Variants in RGS7BP observed in about 807,000 individuals in gnomAD.
RGS7BP encodes regulator of G protein signaling 7 binding protein, also known as regulator of G protein signaling 7-binding protein.
RGS7BP carries 9 observed loss-of-function variants against 31.3 expected under a neutral mutation model. The observed-to-expected ratio is 0.29, with a 90% confidence interval of 0.17 to 0.50. The LOEUF (loss-of-function observed/expected upper bound fraction) is 0.50, where lower values mean the gene tolerates loss of function less well. Ranked by LOEUF, RGS7BP falls within the 20% of genes least tolerant of loss-of-function variation. RGS7BP has a pLI of 0.98. For missense variants in RGS7BP, 274 were observed against 322.0 expected (o/e 0.85, Z 1.14); for synonymous variants, 115 against 120.1 (o/e 0.96, Z 0.28).
chr5:64,551,942 C>T (rs1403802269), intron 2 of RGS7BP, among the ~76,000 whole-genome samples: 1 of 152,116 alleles, frequency 6.6e-6, no homozygotes, highest in Non-Finnish European at 1.5e-5. Flanking sequence ...GTAAGTTCAT[C>T]AGTATACTAA....
intron 2 of RGS7BP, among the ~76,000 whole-genome samples, chr5:64,537,332 A>G (rs1741403425): frequency 6.6e-6 from 1 of 152,240 alleles, no homozygotes; most frequent in Non-Finnish European, 1.5e-5. Context: ...GTTGGGCCAC[A>G]TTCAAAGCCT....
At chr5:64,604,097 T>C (rs115632109) in intron 5 of RGS7BP, among the ~76,000 whole-genome samples, 1,538 of 152,264 alleles carry the variant, frequency 0.01, 26 homozygotes, top group African/African-American at 0.036. Flanking sequence ...GACTATCTCC[T>C]CCTTCATAAG....
chr5:64,564,524 G>A (rs1431917115), intron 2 of RGS7BP, among the ~76,000 whole-genome samples: 1 of 152,014 alleles, frequency 6.6e-6, no homozygotes, highest in Non-Finnish European at 1.5e-5. Context: ...TTATGAGAAG[G>A]GTACAGATTG....
chr5:64,518,242 T>C (rs1320856966), intron 2 of RGS7BP, among the ~76,000 whole-genome samples: 4 of 152,256 alleles, frequency 2.6e-5, no homozygotes, highest in Non-Finnish European at 4.4e-5. Context: ...AATAGATTCA[T>C]GCCCAACTCC....
chr5:64,527,278 C>A (rs761890186), intron 2 of RGS7BP, among the ~76,000 whole-genome samples: 22 of 152,116 alleles, frequency 1.4e-4, no homozygotes, highest in Non-Finnish European at 2.2e-4. Context: ...CAAATTAGAG[C>A]CCCCAGGGAG....
chr5:64,522,792 G>A (rs1389128468), intron 2 of RGS7BP, among the ~76,000 whole-genome samples: 4 of 152,126 alleles, frequency 2.6e-5, no homozygotes, highest in Non-Finnish European at 4.4e-5. Context: ...ATTGCACAGC[G>A]CCATTGTAGA....
chr5:64,525,252 G>A (rs778465324), intron 2 of RGS7BP, among the ~76,000 whole-genome samples: 3 of 152,140 alleles, frequency 2.0e-5, no homozygotes, highest in Non-Finnish European at 4.4e-5. Context: ...GATAAAGGAG[G>A]GAGGTGTTCT....
At chr5:64,533,071 T>C (rs73109069) in intron 2 of RGS7BP, among the ~76,000 whole-genome samples, 3,439 of 152,320 alleles carry the variant, frequency 0.023, 74 homozygotes, top group African/African-American at 0.057. Context: ...AGCTTCTGGA[T>C]GCCACCCCTG....
At chr5:64,583,740 A>T (rs909070788) in intron 3 of RGS7BP, among the ~76,000 whole-genome samples, 4 of 152,206 alleles carry the variant, frequency 2.6e-5, no homozygotes, top group Admixed American at 6.5e-5. Context: ...GACCAGAATA[A>T]GCATGTAGTG....
chr5:64,561,366 CA>C (rs1487051623), intron 2 of RGS7BP, among the ~76,000 whole-genome samples: 2 of 152,090 alleles, frequency 1.3e-5, no homozygotes, highest in African/African-American at 4.8e-5. Flanking sequence ...GATGAATAAA[CA>C]AACATATAAA....
At chr5:64,551,243 A>AT (rs1038879080) in intron 2 of RGS7BP, among the ~76,000 whole-genome samples, 3 of 148,870 alleles carry the variant, frequency 2.0e-5, no homozygotes, top group African/African-American at 7.4e-5. Context: ...GATTTTTTTT[A>AT]TTTTTTTATT....
rs1425074360 is a variant in RGS7BP, at chr5:64,609,229, C to T, written c.751C>T (p.Leu251=). Residue 251 remains leucine (L), a synonymous_variant, in exon 6 of 6, where the codon CTG becomes TTG. Transcript: ENST00000334025. ...VRRRKRRFFG[L]CCLISS ...AAGACGGAAGAGAAGGTTCTTTGGG[C>T]TGTGTTGTCTCATCTCAAGCTAGGT... 6.2e-7 allele frequency: 1 copy of T among 1,608,956 alleles called. No individual in the cohort carries two copies. Among genetic ancestry groups the T allele is most frequent in the African/African-American group, 1.3e-5 (1 of 74,862 alleles).
intron 2 of RGS7BP, among the ~76,000 whole-genome samples, chr5:64,565,527 A>G (rs112394875): frequency 0.016 from 2,407 of 152,222 alleles, 55 homozygotes; most frequent in African/African-American, 0.055. Flanking sequence ...AAAAAAAAGA[A>G]GGCTTCAGGA....
chr5:64,601,593 G>A (rs1743219338), intron 5 of RGS7BP: 2 of 205,594 alleles, frequency 9.7e-6, no homozygotes, highest in African/African-American at 2.4e-5. Flanking sequence ...CCCTTGCACT[G>A]CTGAGTTCCA....
At chr5:64,577,453 A>G (rs1157669077) in intron 3 of RGS7BP, among the ~76,000 whole-genome samples, 1 of 152,164 alleles carries the variant, frequency 6.6e-6, no homozygotes, top group Non-Finnish European at 1.5e-5. Flanking sequence ...AAAAAAATAA[A>G]AAATCTTGTG....
chr5:64,525,683 T>C (rs899370566), intron 2 of RGS7BP, among the ~76,000 whole-genome samples: 1 of 152,100 alleles, frequency 6.6e-6, no homozygotes, highest in Non-Finnish European at 1.5e-5. Flanking sequence ...AGCAACTGAG[T>C]TGGAATGAGC....
In RGS7BP at chr5:64,609,823, A is replaced by C. The variant is rs1743458597; in HGVS notation, c.*571A>C. On this transcript the variant is annotated 3_prime_UTR_variant, in exon 6 of 6. Transcript: ENST00000334025. ...GTCTTCCATTCTGTCAGAATCTAAG[A>C]GCTTCAACATAAAAGTATCTTAATT... 6.6e-6 allele frequency: 1 copy of C among 152,540 alleles called. No homozygotes were observed. The highest frequency in any genetic ancestry group is 2.4e-5 in the African/African-American group (1 of 41,436). The allele number at this position is 152,540 out of a possible 1,614,324, so 9.4% of individuals were successfully genotyped here.
At chr5:64,565,863 A>C (rs866925368) in intron 2 of RGS7BP, among the ~76,000 whole-genome samples, 2 of 152,148 alleles carry the variant, frequency 1.3e-5, no homozygotes, top group Non-Finnish European at 2.9e-5. Flanking sequence ...TAGATTTTAC[A>C]TCTGTCTAGA....
At position 64,506,511 on chromosome 5, in the gene RGS7BP, T is replaced by A. The variant is rs972486187; in HGVS notation, c.-114T>A. 4.6e-6 allele frequency: 4 copies of A among 877,344 alleles called. No homozygotes were observed. Among genetic ancestry groups the A allele is most frequent in the Admixed American group, 5.7e-5 (2 of 35,366 alleles). The allele number at this position is 877,344 out of a possible 1,614,324, so 54.3% of individuals were successfully genotyped here. A position where few individuals can be genotyped will look rare whatever the true frequency, so the allele number is the denominator to read the frequency against. ...CGCAGCCAGCCCCAGCACTGTGAGC[T>A]GCGCGCCTCAGGTCCGGGCTCCGGC... On this transcript the variant is annotated 5_prime_UTR_variant, in exon 1 of 6. Coordinates refer to ENST00000334025, the MANE Select transcript of RGS7BP (RefSeq NM_001029875.3). This position sits in a 1 kb window ranked among gnomAD's most constrained non-coding sequence, Gnocchi z 4.6.
Sources: allele counts gnomAD v4.1 joint callset (sites outside exome capture counted in the v4.1 genomes callset), GRCh38; gene constraint gnomAD v4.1.1; non-coding constraint Gnocchi (gnomAD v3.1); transcripts MANE v1.5; gene names NCBI Gene and HGNC (gene_info 2026-07-23, HGNC 2026-07-21).